Variants in OLFM4 observed in about 807,000 individuals in gnomAD.
The protein encoded by OLFM4 is olfactomedin 4.
OLFM4 carries 22 observed loss-of-function variants against 25.5 expected under a neutral mutation model. The observed-to-expected ratio is 0.86, with a 90% CI of 0.62 to 1.23. The LOEUF (loss-of-function observed/expected upper bound fraction) is 1.23. Among genes scored for constraint, OLFM4 ranks in the 50% most tolerant of loss-of-function variants. The pLI, the probability that OLFM4 is intolerant of heterozygous loss-of-function variation, is 0.00. For synonymous variants in OLFM4, 255 were observed against 237.7 expected (o/e 1.07, Z -0.67); for missense variants, 594 against 619.4 (o/e 0.96, Z 0.44).
chr13:53,034,471 T>C lies in OLFM4; in HGVS notation c.328T>C (p.Ser110Pro), dbSNP rs766598089. Reference sequence around the variant, plus strand: ...CTTGGAATTCACAGCTCATGTTCTTTCTCAGAAGTTTGAGAAAGAACTTTC... The same window carrying C: ...CTTGGAATTCACAGCTCATGTTCTTCCTCAGAAGTTTGAGAAAGAACTTTC... ...ERLEFTAHVL[S>P]QKFEKELSKV... Residue 110 changes from serine to proline, a missense_variant, in exon 2 of 5, where the codon TCT becomes CCT. By Grantham distance (74) the Ser-to-Pro change is moderately conservative (BLOSUM62 -1). Transcript: ENST00000219022. 1 of 1,612,776 alleles carries C rather than the reference T, an allele frequency of 6.2e-7. No individual in the cohort carries two copies. The highest frequency in any genetic ancestry group is 8.5e-7 in the Non-Finnish European group (1 of 1,179,654).
chr13:53,045,035 C>A (rs1305687528), intron 4 of OLFM4, among the ~76,000 whole-genome samples: 1 of 152,066 alleles, frequency 6.6e-6, no homozygotes, highest in Non-Finnish European at 1.5e-5. Context: ...ATGGTAAGAA[C>A]GCTGCTTTTC....
At chr13:53,047,862 A>G (rs966860718) in intron 4 of OLFM4, among the ~76,000 whole-genome samples, 1 of 152,166 alleles carries the variant, frequency 6.6e-6, no homozygotes, top group Non-Finnish European at 1.5e-5. Flanking sequence ...TAGTGCTTGA[A>G]TAAGTTATAT....
intron 4 of OLFM4, among the ~76,000 whole-genome samples, chr13:53,049,250 G>T (rs1954731688): frequency 6.6e-6 from 1 of 152,190 alleles, no homozygotes. Context: ...GATGGGCTGT[G>T]CATTGGGTAC....
Position 53,050,878 on chromosome 13 carries a change from A to G in OLFM4, c.*107A>G. ...TCTAAAAGTGTGTTCATTTTGCAGC[A>G]ATGTTTAGGTGCATAGTTCTACCAC... On this transcript the variant is annotated 3_prime_UTR_variant, in exon 5 of 5. Coordinates refer to ENST00000219022, the MANE Select transcript of OLFM4 (RefSeq NM_006418.5). 1 of 916,912 alleles carries G rather than the reference A, an allele frequency of 1.1e-6. No individual in the cohort carries two copies. Among genetic ancestry groups the G allele is most frequent in the African/African-American group, 1.7e-5 (1 of 60,288 alleles). 56.8% of individuals were successfully genotyped at this position (916,912 alleles called of 1,614,324 possible). A position where few individuals can be genotyped will look rare whatever the true frequency, so the allele number is the denominator to read the frequency against.
intron 2 of OLFM4, among the ~76,000 whole-genome samples, chr13:53,038,995 C>T (rs1954673884): frequency 6.6e-6 from 1 of 152,188 alleles, no homozygotes; most frequent in Non-Finnish European, 1.5e-5. Context: ...TCAAATGGAT[C>T]TTTACAGACC....
intron 4 of OLFM4, among the ~76,000 whole-genome samples, chr13:53,043,468 A>G (rs1282444908): frequency 6.6e-6 from 1 of 151,336 alleles, no homozygotes; most frequent in Non-Finnish European, 1.5e-5. Flanking sequence ...TCTGGGTTTC[A>G]AAGAGGAAGA....
At position 53,042,103 on chromosome 13, in the gene OLFM4, T is replaced by C; in HGVS notation, c.551T>C (p.Val184Ala). The change falls in exon 3 of 5, where the codon GTT (valine) becomes GCT (alanine). Residue 184 changes from valine to alanine, a missense_variant. Val to Ala is a moderately conservative substitution (Grantham distance 64, BLOSUM62 0). Transcript: ENST00000219022. ...AGTTTTGGTGGAAGCTCAGAAATTG[T>C]TGACCAGCTGGAGGTGGAGGTAAGG... The part of the protein sequence containing the change: ...KESFGGSSEI[V>A]DQLEVEIRNM... 6.2e-7 allele frequency: 1 copy of C among 1,613,824 alleles called. No homozygotes were observed. The highest frequency in any genetic ancestry group is 8.5e-7 in the Non-Finnish European group (1 of 1,179,806).
intron 1 of OLFM4, among the ~76,000 whole-genome samples, chr13:53,032,491 G>A (rs115161518): frequency 0.014 from 2,084 of 152,128 alleles, 46 homozygotes; most frequent in African/African-American, 0.046. Flanking sequence ...AGGGAAGCTG[G>A]CCTCTCTGAT....
At chr13:53,031,915 T>C (rs184987688) in intron 1 of OLFM4, among the ~76,000 whole-genome samples, 45 of 152,366 alleles carry the variant, frequency 3.0e-4, no homozygotes, top group African/African-American at 9.4e-4. Flanking sequence ...GCTTCATTCA[T>C]GTAGAGTTTG....
Position 53,043,379 on chromosome 13 carries a change from T to G in OLFM4, c.730+115T>G, listed in dbSNP as rs894294412. Reference sequence around the variant, plus strand: ...AAAGAAGAAGGTGGGTTGTTTTTTTTTTTTTTTTTTCAGTTCTCAGTTTTC... The same window carrying G: ...AAAGAAGAAGGTGGGTTGTTTTTTTGTTTTTTTTTTCAGTTCTCAGTTTTC... On this transcript the variant is annotated intron_variant, in intron 4 of 4. Transcript: ENST00000219022. 1.4e-5 allele frequency: 13 copies of G among 901,612 alleles called. No individual in the cohort carries two copies. The African/African-American group carries it at 2.2e-4, about 15-fold the overall frequency. The allele number at this position is 901,612 out of a possible 1,614,324, so 55.9% of individuals were successfully genotyped here. A position where few individuals can be genotyped will look rare whatever the true frequency, so the allele number is the denominator to read the frequency against.
chr13:53,044,978 A>G (rs886078397), intron 4 of OLFM4, among the ~76,000 whole-genome samples: 3 of 152,192 alleles, frequency 2.0e-5, no homozygotes, highest in Non-Finnish European at 2.9e-5. Flanking sequence ...AGGAATATTC[A>G]GGGCCATCTA....
rs771677975 is a variant in OLFM4, at chr13:53,028,995, C to G, written c.159C>G (p.Gly53=). 6.2e-7 allele frequency: 1 copy of G among 1,614,220 alleles called. No individual in the cohort carries two copies. The highest frequency in any genetic ancestry group is 1.1e-5 in the South Asian group (1 of 91,090). ...GCTTCAGCTCCAGCTCCAGGTCGGG[C>G]TCCAGCTCCAGCCGCAGCTTAGGCA... is the stretch of plus-strand genomic sequence containing the variant. The part of the protein sequence containing the change: ...SSSFSSSSRS[G]SSSSRSLGSG... The change falls in exon 1 of 5, where the codon GGC becomes GGG. Residue 53 remains glycine (G), a synonymous_variant. Transcript: ENST00000219022.
intron 1 of OLFM4, among the ~76,000 whole-genome samples, chr13:53,029,318 CG>C (rs1013630246): frequency 6.6e-6 from 1 of 151,826 alleles, no homozygotes; most frequent in Non-Finnish European, 1.5e-5. Context: ...AATGGGTGGC[CG>C]GGGGGACTCT....
intron 4 of OLFM4, among the ~76,000 whole-genome samples, chr13:53,043,947 A>G (rs113343768): frequency 6.6e-6 from 1 of 152,154 alleles, no homozygotes; most frequent in Non-Finnish European, 1.5e-5. Flanking sequence ...TGTTCTGCAA[A>G]TATACCCATG....
At position 53,042,043 on chromosome 13, in the gene OLFM4, A is replaced by G; in HGVS notation, c.491A>G (p.Lys164Arg). The G allele has an allele frequency of 1.2e-6, 2 of 1,614,080 alleles. No individual in the cohort carries two copies. The highest frequency in any genetic ancestry group is 1.7e-6 in the Non-Finnish European group (2 of 1,179,974). The change falls in exon 3 of 5, where the codon AAG becomes AGG. Residue 164 changes from lysine to arginine, a missense_variant. Coordinates refer to ENST00000219022, the MANE Select transcript of OLFM4 (RefSeq NM_006418.5). The part of the protein sequence containing the change: ...LDFELIKVEV[K>R]EMEKLVIQLK... ...TTCGAGCTGATCAAGGTAGAAGTGA[A>G]GGAGATGGAAAAACTGGTCATACAG...
Position 53,034,224 on chromosome 13 carries a change from A to T in OLFM4, c.205-124A>T, listed in dbSNP as rs913102494. The T allele has an allele frequency of 7.1e-6, 6 of 839,874 alleles. No homozygotes were observed. In the South Asian group the frequency reaches 1.1e-4, roughly 15 times the overall value. 52.0% of individuals were successfully genotyped at this position (839,874 alleles called of 1,614,324 possible). Reference sequence around the variant, plus strand: ...TTAGCTTGTTTCTATGATTCTATTCATTTATGTATTGGACTCCACTTACTT... The same window carrying T: ...TTAGCTTGTTTCTATGATTCTATTCTTTTATGTATTGGACTCCACTTACTT... On this transcript the variant is annotated intron_variant, in intron 1 of 4. Coordinates refer to ENST00000219022, the MANE Select transcript of OLFM4 (RefSeq NM_006418.5).
At chr13:53,033,396 C>T (rs1472625463) in intron 1 of OLFM4, among the ~76,000 whole-genome samples, 1 of 152,140 alleles carries the variant, frequency 6.6e-6, no homozygotes, top group Admixed American at 6.5e-5. Context: ...TGCAATTTCC[C>T]AGGCGATGAG....
chr13:53,043,026 A>C, intron 3 of OLFM4, 79 bp from the exon 4 acceptor site: 1 of 1,122,110 alleles, frequency 8.9e-7, no homozygotes, highest in Non-Finnish European at 1.3e-6. Context: ...GTTTCACTAA[A>C]TGACAAATTC....
At chr13:53,030,828 G>C (rs1954625322) in intron 1 of OLFM4, among the ~76,000 whole-genome samples, 1 of 152,170 alleles carries the variant, frequency 6.6e-6, no homozygotes, top group Non-Finnish European at 1.5e-5. Flanking sequence ...TTAGAGGAGG[G>C]AGGCTTGGGA....
Sources: allele counts gnomAD v4.1 joint callset (sites outside exome capture counted in the v4.1 genomes callset), GRCh38; gene constraint gnomAD v4.1.1; transcripts MANE v1.5; gene names NCBI Gene and HGNC (gene_info 2026-07-23, HGNC 2026-07-21).